CCSER1: variants seen among roughly 807,000 people sequenced by gnomAD.
The protein encoded by CCSER1 is serine-rich coiled-coil domain-containing protein 1.
Under a neutral mutation model 82.0 loss-of-function variants are expected in CCSER1, and 41 were observed. That is an observed-to-expected ratio of 0.50 (90% confidence interval 0.39 to 0.65). The LOEUF (loss-of-function observed/expected upper bound fraction) is 0.65. Ranked by LOEUF, CCSER1 falls within the 30% of genes least tolerant of loss-of-function variation. The pLI, the probability that CCSER1 is intolerant of heterozygous loss-of-function variation, is 0.00. For synonymous variants in CCSER1, 414 were observed against 383.9 expected, an observed-to-expected ratio of 1.08 and a Z score of -0.92; for missense variants, 1,119 against 1,064.2, an observed-to-expected ratio of 1.05 and a Z score of -0.72.
intron 7 of CCSER1, among the ~76,000 whole-genome samples, chr4:90,798,091 T>C (rs1756286520): frequency 6.6e-6 from 1 of 151,316 alleles, no homozygotes; most frequent in Non-Finnish European, 1.5e-5. Context: ...TCTATTCTCC[T>C]GATATTTTTC....
chr4:91,005,414 C>T (rs1056836462), intron 9 of CCSER1, among the ~76,000 whole-genome samples: 8 of 151,724 alleles, frequency 5.3e-5, no homozygotes, highest in African/African-American at 1.9e-4. Flanking sequence ...CACACACACA[C>T]ACAGAGACAC....
chr4:90,332,204 C>T (rs10015182), intron 3 of CCSER1, among the ~76,000 whole-genome samples: 47,125 of 151,542 alleles, frequency 0.31, 8,183 homozygotes, highest in African/African-American at 0.46. Context: ...AGTTATGCCA[C>T]GTCGCTACAG....
At chr4:90,395,915 C>CA (rs57765593) in intron 3 of CCSER1, among the ~76,000 whole-genome samples, 8,204 of 101,988 alleles carry the variant, frequency 0.08, 650 homozygotes, top group African/African-American at 0.24. Context: ...ACTAAAAATA[C>CA]AAAAAAAAAA....
At chr4:91,452,124 T>C (rs1016679220) in intron 10 of CCSER1, among the ~76,000 whole-genome samples, 2 of 151,996 alleles carry the variant, frequency 1.3e-5, no homozygotes, top group African/African-American at 2.4e-5. Flanking sequence ...GTAACTTCTA[T>C]GGCAGGAGTC....
chr4:90,181,213 T>C (rs941706668), intron 1 of CCSER1, among the ~76,000 whole-genome samples: 3 of 151,878 alleles, frequency 2.0e-5, no homozygotes, highest in African/African-American at 4.8e-5. Context: ...GCAACTAAAA[T>C]AGAAATTGGA....
At chr4:90,180,933 C>G (rs1161334231) in intron 1 of CCSER1, among the ~76,000 whole-genome samples, 2 of 152,070 alleles carry the variant, frequency 1.3e-5, no homozygotes, top group African/African-American at 4.8e-5. Context: ...TGTTTACTAG[C>G]TAGATATGCT....
At position 91,133,407 on chromosome 4, in the gene CCSER1, CAT is replaced by C. The variant is rs1305634848; in HGVS notation, c.2217+47415_2217+47416del. ...GGTTCATGAAGTCAGATATTGATCA[CAT>C]AGGAAGTCAGCGAATGAGTAAATAT... On this transcript the variant is annotated intron_variant, in intron 10 of 10. Transcript: ENST00000509176. Among the ~76,000 whole-genome samples the C allele has an allele frequency of 2.6e-5, 4 of 152,080 alleles. No individual in the cohort carries two copies. The East Asian group carries it at 7.7e-4, about 29-fold the overall frequency.
chr4:91,203,522 C>T (rs1441853010), intron 10 of CCSER1, among the ~76,000 whole-genome samples: 2 of 151,680 alleles, frequency 1.3e-5, no homozygotes, highest in Admixed American at 6.6e-5. Flanking sequence ...CACACACACA[C>T]ATACATGTGT....
chr4:90,291,041 CT>C (rs1553989877), intron 1 of CCSER1, among the ~76,000 whole-genome samples: 1 of 133,088 alleles, frequency 7.5e-6, no homozygotes, highest in Non-Finnish European at 1.5e-5. Flanking sequence ...AATTATATTC[CT>C]TAAAAATAAT....
chr4:90,896,208 C>G (rs1292807201), intron 8 of CCSER1, among the ~76,000 whole-genome samples: 1 of 151,916 alleles, frequency 6.6e-6, no homozygotes, highest in Non-Finnish European at 1.5e-5. Context: ...TACAAGGAAT[C>G]TGCACGAAGA....
chr4:91,386,429 A>G (rs1751292455), intron 10 of CCSER1, among the ~76,000 whole-genome samples: 1 of 152,062 alleles, frequency 6.6e-6, no homozygotes, highest in African/African-American at 2.4e-5. Context: ...TTGAATAAAT[A>G]CATAACTGTG....
At chr4:90,516,101 A>G (rs1475464266) in intron 5 of CCSER1, among the ~76,000 whole-genome samples, 1 of 152,190 alleles carries the variant, frequency 6.6e-6, no homozygotes, top group Non-Finnish European at 1.5e-5. Flanking sequence ...GTATTATAAC[A>G]CGCCCTTCTT....
chr4:91,004,077 C>A (rs1251897994), intron 9 of CCSER1, among the ~76,000 whole-genome samples: 1 of 152,200 alleles, frequency 6.6e-6, no homozygotes, highest in East Asian at 1.9e-4. Context: ...TTTGGGGTGT[C>A]TCCCGGGTCC....
intron 10 of CCSER1, among the ~76,000 whole-genome samples, chr4:91,237,494 G>T (rs1465007028): frequency 1.3e-5 from 2 of 151,912 alleles, no homozygotes; most frequent in African/African-American, 2.4e-5. Context: ...CAGGCAAAAA[G>T]AGCCTAATTT....
At chr4:91,188,136 T>G (rs954406520) in intron 10 of CCSER1, among the ~76,000 whole-genome samples, 5 of 152,148 alleles carry the variant, frequency 3.3e-5, no homozygotes, top group African/African-American at 1.2e-4. Flanking sequence ...ATTCTTCATC[T>G]GTAGCTACCA....
intron 7 of CCSER1, among the ~76,000 whole-genome samples, chr4:90,801,785 A>G (rs1260106172): frequency 6.6e-6 from 1 of 152,226 alleles, no homozygotes. Flanking sequence ...TCAACATTTC[A>G]TATAAATACC....
chr4:90,783,148 G>T (rs938420666), intron 7 of CCSER1, among the ~76,000 whole-genome samples: 1 of 152,112 alleles, frequency 6.6e-6, no homozygotes, highest in Non-Finnish European at 1.5e-5. Flanking sequence ...CACCATATTG[G>T]CCAGGCTGGG....
intron 10 of CCSER1, among the ~76,000 whole-genome samples, chr4:91,507,159 A>T (rs143033050): frequency 1.7e-3 from 264 of 152,314 alleles, no homozygotes; most frequent in Non-Finnish European, 3.4e-3. Context: ...GTAGAAATCC[A>T]TGATCACATG....
At chr4:91,213,580 A>G (rs942259740) in intron 10 of CCSER1, among the ~76,000 whole-genome samples, 7 of 152,186 alleles carry the variant, frequency 4.6e-5, no homozygotes, top group Non-Finnish European at 8.8e-5. Flanking sequence ...GCAGGCTTCT[A>G]GAAGTCCACA....
Sources: gnomAD v4.1 joint callset for allele counts (sites outside exome capture counted in the v4.1 genomes callset) on GRCh38, gnomAD v4.1.1 for gene constraint, MANE v1.5 for transcripts, NCBI Gene and HGNC (gene_info 2026-07-23, HGNC 2026-07-21) for gene names.